The following TMEM192 variants were observed in gnomAD, a reference collection of about 807,000 sequenced individuals.
The protein encoded by TMEM192 is transmembrane protein 192.
TMEM192 carries 20 observed loss-of-function variants against 26.7 expected under a neutral mutation model. That is an observed-to-expected ratio of 0.75 (90% CI 0.53 to 1.09). The LOEUF (loss-of-function observed/expected upper bound fraction) is 1.09. Ranked by LOEUF, TMEM192 falls within the 50% of genes least tolerant of loss-of-function variation. The pLI, the probability that TMEM192 is intolerant of heterozygous loss-of-function variation, is 0.00. For missense variants in TMEM192, 304 were observed against 322.6 expected (o/e 0.94, Z 0.44); for synonymous variants, 124 against 121.0 (o/e 1.02, Z -0.16).
chr4:165,094,829 C>A (rs1223619894), intron 3 of TMEM192, among the ~76,000 whole-genome samples: 1 of 151,404 alleles, frequency 6.6e-6, no homozygotes, highest in Non-Finnish European at 1.5e-5. Context: ...ACAAAATTAG[C>A]TGGGCATGGT....
chr4:165,091,935 G>C (rs1734775573), intron 3 of TMEM192, among the ~76,000 whole-genome samples: 1 of 152,052 alleles, frequency 6.6e-6, no homozygotes, highest in Non-Finnish European at 1.5e-5. Flanking sequence ...AGCCCATTCT[G>C]GTCACCTGGT....
At chr4:165,103,159 A>C in intron 1 of TMEM192, 63 bp from the exon 2 acceptor site, 1 of 1,460,818 alleles carries the variant, frequency 6.8e-7, no homozygotes, top group Non-Finnish European at 9.1e-7. Context: ...TCTAAGACAA[A>C]TCTACTAAAC....
At chr4:165,107,862 T>C (rs972468748) in intron 1 of TMEM192, among the ~76,000 whole-genome samples, 13 of 152,222 alleles carry the variant, frequency 8.5e-5, no homozygotes, top group Non-Finnish European at 1.9e-4. Flanking sequence ...GTAGTTTTCA[T>C]CTGTACAAGT....
chr4:165,099,524 A>C (rs1313072801), intron 3 of TMEM192, among the ~76,000 whole-genome samples: 3 of 152,200 alleles, frequency 2.0e-5, no homozygotes, highest in Non-Finnish European at 4.4e-5. Flanking sequence ...TCTTGCCTTC[A>C]TAAATTAGGA....
chr4:165,108,434 C>G (rs1735219792), intron 1 of TMEM192, among the ~76,000 whole-genome samples: 1 of 151,976 alleles, frequency 6.6e-6, no homozygotes, highest in Non-Finnish European at 1.5e-5. Context: ...TTCTGTAATC[C>G]TATATTCGTG....
chr4:165,110,219 G>A (rs1265644074), intron 1 of TMEM192, among the ~76,000 whole-genome samples: 1 of 152,152 alleles, frequency 6.6e-6, no homozygotes, highest in Non-Finnish European at 1.5e-5. Context: ...ATTACCACCT[G>A]TAGAAGATGT....
At chr4:165,101,304 T>G (rs1337766300) in intron 2 of TMEM192, among the ~76,000 whole-genome samples, 1 of 152,134 alleles carries the variant, frequency 6.6e-6, no homozygotes, top group African/African-American at 2.4e-5. Context: ...TACCTACAGC[T>G]TCCCCTGTCC....
chr4:165,100,521 CA>C, intron 3 of TMEM192, 106 bp downstream of exon 3: 1 of 1,336,576 alleles, frequency 7.5e-7, no homozygotes, highest in South Asian at 1.5e-5. Flanking sequence ...ATCAACCTTA[CA>C]AAAATGAGAG....
At position 165,081,541 on chromosome 4, in the gene TMEM192, G is replaced by A. The variant is rs1316724028; in HGVS notation, c.678-1745C>T. On this transcript the variant is annotated intron_variant, in intron 5 of 5. Coordinates refer to ENST00000306480, the MANE Select transcript of TMEM192 (RefSeq NM_001100389.2). ...TGGGACTATAAGCGCCCATCATCAC[G>A]CCCGGCTAATTTTTTTTTTTTTGTA... Among the ~76,000 whole-genome samples the A allele has an allele frequency of 2.0e-4, 7 of 35,394 alleles. 3 individuals carry two copies. The highest frequency in any genetic ancestry group is 3.3e-4 in the African/African-American group (7 of 20,942). 23.2% of individuals were successfully genotyped at this position (35,394 alleles called of 152,430 possible).
intron 1 of TMEM192, among the ~76,000 whole-genome samples, chr4:165,112,157 G>T (rs1560938608): frequency 6.6e-6 from 1 of 152,170 alleles, no homozygotes; most frequent in Admixed American, 6.5e-5. Context: ...TTCCTACCAT[G>T]CTAGATTCAA....
At position 165,074,518 on chromosome 4, in the gene TMEM192, C is replaced by T. The variant is rs867094047; in HGVS notation, c.*5140G>A. On this transcript the variant is annotated 3_prime_UTR_variant, in exon 6 of 6. Coordinates refer to ENST00000306480, the MANE Select transcript of TMEM192 (RefSeq NM_001100389.2). Reference sequence around the variant, plus strand: ...CTGGAGTGCAGTGGTGCGATCTCGGCTCACTGCAACCTCCACCTCCCGGGT... The same window carrying T: ...CTGGAGTGCAGTGGTGCGATCTCGGTTCACTGCAACCTCCACCTCCCGGGT... 6.6e-6 allele frequency: 1 copy of T among 152,018 alleles called. No individual in the cohort carries two copies. The highest frequency in any genetic ancestry group is 2.4e-5 in the African/African-American group (1 of 41,306). 9.4% of individuals were successfully genotyped at this position (152,018 alleles called of 1,614,324 possible). A position where few individuals can be genotyped will look rare whatever the true frequency, so the allele number is the denominator to read the frequency against.
chr4:165,108,837 C>T (rs530087306), intron 1 of TMEM192, among the ~76,000 whole-genome samples: 2 of 152,296 alleles, frequency 1.3e-5, no homozygotes, highest in South Asian at 2.1e-4. Context: ...CCAGTTACCT[C>T]GATCTCCTAG....
intron 5 of TMEM192, among the ~76,000 whole-genome samples, chr4:165,081,457 C>T (rs1240534981): frequency 7.2e-6 from 1 of 138,252 alleles, no homozygotes; most frequent in Non-Finnish European, 1.6e-5. Flanking sequence ...GATCTCAGCT[C>T]ACTGCAAACT....
At chr4:165,088,022 A>C (rs1186878334) in intron 4 of TMEM192, among the ~76,000 whole-genome samples, 1 of 151,988 alleles carries the variant, frequency 6.6e-6, no homozygotes, top group Admixed American at 6.6e-5. Flanking sequence ...TGATCCTCCC[A>C]CGTCAGCCTC....
chr4:165,092,674 A>G (rs531345148), intron 3 of TMEM192, among the ~76,000 whole-genome samples: 3 of 152,258 alleles, frequency 2.0e-5, no homozygotes, highest in African/African-American at 7.2e-5. Flanking sequence ...TATTTATGTG[A>G]GTCTGATCCT....
Position 165,112,807 on chromosome 4 carries a change from C to G in TMEM192, c.-34G>C. 1.2e-6 allele frequency: 2 copies of G among 1,601,924 alleles called. No individual in the cohort carries two copies. Among genetic ancestry groups the G allele is most frequent in the Non-Finnish European group, 1.7e-6 (2 of 1,177,832 alleles). ...GCCGGAGGCCGAAGCCCTGGCCAGC[C>G]CGGCCTCTCCACCTGGACCTGTAAG... is the stretch of plus-strand genomic sequence containing the variant. On this transcript the variant is annotated 5_prime_UTR_variant, in exon 1 of 6. Transcript: ENST00000306480.
intron 1 of TMEM192, among the ~76,000 whole-genome samples, chr4:165,108,130 TTTTTTTTTTG>T (rs1429727568): frequency 8.6e-5 from 6 of 69,964 alleles, no homozygotes; most frequent in Non-Finnish European, 1.8e-4. Flanking sequence ...TTTTTTTTTT[TTTTTTTTTTG>T]GAGATGTAGT....
chr4:165,106,126 A>G (rs1735153436), intron 1 of TMEM192, among the ~76,000 whole-genome samples: 1 of 152,136 alleles, frequency 6.6e-6, no homozygotes, highest in South Asian at 2.1e-4. Flanking sequence ...CTATTTGTAA[A>G]TTACCCTATT....
intron 3 of TMEM192, 95 bp downstream of exon 3, chr4:165,100,533 A>T (rs970305098): frequency 7.3e-7 from 1 of 1,377,610 alleles, no homozygotes; most frequent in Non-Finnish European, 9.8e-7. Context: ...AAAATGAGAG[A>T]ATATATTTGA....
Sources: allele counts gnomAD v4.1 joint callset (sites outside exome capture counted in the v4.1 genomes callset), GRCh38; gene constraint gnomAD v4.1.1; transcripts MANE v1.5; gene names NCBI Gene and HGNC (gene_info 2026-07-23, HGNC 2026-07-21).